GOLIM4: variants seen among roughly 807,000 people sequenced by gnomAD.
GOLIM4 encodes golgi integral membrane protein 4, also known as 130 kDa golgi-localized phosphoprotein.
A neutral mutation model predicts 107.4 loss-of-function variants in GOLIM4; 71 were observed. That is an observed-to-expected ratio of 0.66 (90% CI 0.55 to 0.81). GOLIM4 has a LOEUF of 0.81. GOLIM4 is among the 30% of genes least tolerant of loss of function. GOLIM4 has a pLI of 0.00. For synonymous variants in GOLIM4, 327 were observed against 294.8 expected (o/e 1.11, Z -1.12); for missense variants, 830 against 826.1 (o/e 1.00, Z -0.06).
intron 8 of GOLIM4, among the ~76,000 whole-genome samples, chr3:168,035,828 A>AT (rs1718616791): frequency 2.6e-5 from 4 of 151,760 alleles, no homozygotes; most frequent in South Asian, 2.1e-4. Context: ...CATATTGCCT[A>AT]TTTTTTTATT....
chr3:168,063,753 C>A (rs1045005220), intron 1 of GOLIM4, among the ~76,000 whole-genome samples: 2 of 151,816 alleles, frequency 1.3e-5, no homozygotes, highest in Admixed American at 6.6e-5. Flanking sequence ...CATCAGGAAG[C>A]ATAGCTAATG....
At chr3:168,059,944 G>T (rs1359959675) in intron 1 of GOLIM4, among the ~76,000 whole-genome samples, 2 of 152,164 alleles carry the variant, frequency 1.3e-5, no homozygotes, top group Non-Finnish European at 2.9e-5. Context: ...AGCACACTGG[G>T]ATGTCCTCAG....
In GOLIM4 at chr3:168,011,783, C is replaced by G. The variant is rs1470854924; in HGVS notation, c.1861-960G>C. On this transcript the variant is annotated intron_variant, in intron 14 of 15. Transcript: ENST00000470487. The stretch of plus-strand genomic sequence containing the variant: ...TGGGAGGCACCCCCCAGCAGGAGCA[C>G]ACTGACACCTCACAAGGCAGGGTAT... Among the ~76,000 whole-genome samples the G allele has an allele frequency of 2.8e-4, 37 of 134,162 alleles. 9 individuals carry two copies. The highest frequency in any genetic ancestry group is 1.4e-3 in the African/African-American group (37 of 25,968). The allele number at this position is 134,162 out of a possible 152,430, so 88.0% of individuals were successfully genotyped here. A position where few individuals can be genotyped will look rare whatever the true frequency, so the allele number is the denominator to read the frequency against.
At position 168,030,031 on chromosome 3, in the gene GOLIM4, G is replaced by A; in HGVS notation, c.1182C>T (p.Tyr394=). Reference sequence around the variant, plus strand: ...ATTTGATCATTGGCTTGGCTGAAGGGTACACCTAGGGTGAAAAAGAGTTGG... The same window carrying A: ...ATTTGATCATTGGCTTGGCTGAAGGATACACCTAGGGTGAAAAAGAGTTGG... ...LLEGHARAEV[Y]PSAKPMIKFQ... Residue 394 remains tyrosine, a synonymous_variant, in exon 10 of 16, where the codon TAC becomes TAT. Coordinates refer to ENST00000470487, the MANE Select transcript of GOLIM4 (RefSeq NM_014498.5). 2.5e-6 allele frequency: 4 copies of A among 1,614,048 alleles called. No homozygotes were observed. Among genetic ancestry groups the A allele is most frequent in the Non-Finnish European group, 3.4e-6 (4 of 1,179,930 alleles).
chr3:168,080,188 C>G (rs1191620559), intron 1 of GOLIM4, among the ~76,000 whole-genome samples: 1 of 152,208 alleles, frequency 6.6e-6, no homozygotes, highest in East Asian at 1.9e-4. Flanking sequence ...CTGACAAATT[C>G]CAGACCTGCC....
chr3:168,011,130 A>G (rs1218714381), intron 14 of GOLIM4, among the ~76,000 whole-genome samples: 1 of 151,462 alleles, frequency 6.6e-6, no homozygotes, highest in Non-Finnish European at 1.5e-5. Context: ...CATCTGAGGT[A>G]CCAGGTTCCT....
intron 11 of GOLIM4, 120 bp from the exon 12 acceptor site, chr3:168,027,957 C>T: frequency 1.4e-6 from 1 of 689,806 alleles, no homozygotes; most frequent in East Asian, 2.5e-5. Context: ...CCTCTGTTAA[C>T]TCAACATAAG....
chr3:168,088,350 C>T (rs1485099156), intron 1 of GOLIM4, among the ~76,000 whole-genome samples: 3 of 152,002 alleles, frequency 2.0e-5, no homozygotes, highest in Admixed American at 2.0e-4. Context: ...TAAAAAGAAG[C>T]CCAATGTTAA....
At chr3:168,082,095 C>CT (rs1371322194) in intron 1 of GOLIM4, among the ~76,000 whole-genome samples, 2 of 152,182 alleles carry the variant, frequency 1.3e-5, no homozygotes, top group African/African-American at 4.8e-5. Context: ...GGTTCTTAAC[C>CT]TTTTTCAGGT....
At chr3:168,051,383 A>C (rs2108257221) in intron 1 of GOLIM4, among the ~76,000 whole-genome samples, 1 of 152,352 alleles carries the variant, frequency 6.6e-6, no homozygotes, top group Non-Finnish European at 1.5e-5. Flanking sequence ...TACATATTTG[A>C]CATATTAACA....
chr3:168,045,113 A>C (rs1719225097), intron 3 of GOLIM4, among the ~76,000 whole-genome samples: 1 of 152,202 alleles, frequency 6.6e-6, no homozygotes, highest in African/African-American at 2.4e-5. Flanking sequence ...ATGAAATCAT[A>C]AAACAGTAGC....
intron 1 of GOLIM4, among the ~76,000 whole-genome samples, chr3:168,072,370 T>A (rs1183923144): frequency 4.1e-5 from 6 of 146,066 alleles, no homozygotes; most frequent in Non-Finnish European, 7.5e-5. Context: ...GTAAAGAAGA[T>A]GTGATTTAAA....
chr3:168,073,728 G>C (rs931364020), intron 1 of GOLIM4, among the ~76,000 whole-genome samples: 3 of 152,172 alleles, frequency 2.0e-5, no homozygotes, highest in African/African-American at 7.2e-5. Context: ...CTTATATAGG[G>C]TATTTTCTTA....
chr3:168,030,189 C>A (rs969739406), intron 9 of GOLIM4, among the ~76,000 whole-genome samples, 153 bp from the exon 10 acceptor site: 1 of 152,090 alleles, frequency 6.6e-6, no homozygotes, highest in Non-Finnish European at 1.5e-5. Flanking sequence ...TCCAAAAACT[C>A]CTATTTCCCA....
Position 168,095,260 on chromosome 3 carries a change from T to G in GOLIM4, c.26A>C (p.Lys9Thr). The change falls in exon 1 of 16, where the codon AAG becomes ACG. Residue 9 changes from lysine to threonine, a missense_variant. By Grantham distance (78) the Lys-to-Thr change is moderately conservative. Transcript: ENST00000470487. ...CAGCGTCTGGAAAATCCGCTTCTGCTTTCGGGAGCACATCCCGTTTCCCAT... is the reference window on the plus strand; with the variant it reads ...CAGCGTCTGGAAAATCCGCTTCTGCGTTCGGGAGCACATCCCGTTTCCCAT... MGNGMCSR[K>T]QKRIFQTLLL... 6.2e-7 allele frequency: 1 copy of G among 1,613,220 alleles called. No individual in the cohort carries two copies. Among genetic ancestry groups the G allele is most frequent in the Non-Finnish European group, 8.5e-7 (1 of 1,179,950 alleles).
At chr3:168,075,711 AT>A (rs1396233105) in intron 1 of GOLIM4, among the ~76,000 whole-genome samples, 1 of 152,116 alleles carries the variant, frequency 6.6e-6, no homozygotes, top group African/African-American at 2.4e-5. Flanking sequence ...TGCTTTTCTC[AT>A]TGCTTCTTCT....
Position 168,016,208 on chromosome 3 carries a change from A to C in GOLIM4, c.1861-5385T>G, listed in dbSNP as rs1338188962. ...ACAAATTTACAAGAAAAAAACAAAC[A>C]ACCCCATCAAAAAGTGGGCGAAGGA... is the stretch of plus-strand genomic sequence containing the variant. On this transcript the variant is annotated intron_variant, in intron 14 of 15. Transcript: ENST00000470487. Among the ~76,000 whole-genome samples, 2 of 134,432 alleles carry C rather than the reference A, an allele frequency of 1.5e-5. 1 individual carries two copies. Among genetic ancestry groups the C allele is most frequent in the African/African-American group, 7.8e-5 (2 of 25,502 alleles). The allele number at this position is 134,432 out of a possible 152,430, so 88.2% of individuals were successfully genotyped here.
intron 1 of GOLIM4, among the ~76,000 whole-genome samples, chr3:168,082,358 C>A (rs901736840): frequency 1.3e-5 from 2 of 152,122 alleles, no homozygotes; most frequent in African/African-American, 4.8e-5. Context: ...AGCCGACTTT[C>A]TTTAAAGCTC....
intron 1 of GOLIM4, among the ~76,000 whole-genome samples, chr3:168,057,336 G>A (rs1174427460): frequency 6.6e-6 from 1 of 152,160 alleles, no homozygotes; most frequent in Non-Finnish European, 1.5e-5. Flanking sequence ...CTGGTACACT[G>A]AATTGTAGTC....
Sources: gnomAD v4.1 joint callset for allele counts (sites outside exome capture counted in the v4.1 genomes callset) on GRCh38, gnomAD v4.1.1 for gene constraint, MANE v1.5 for transcripts, NCBI Gene and HGNC (gene_info 2026-07-23, HGNC 2026-07-21) for gene names.